The following EPS15 variants were observed in gnomAD, a reference collection of about 807,000 sequenced individuals.
The protein encoded by EPS15 is epidermal growth factor receptor substrate 15.
Under a neutral mutation model 113.8 loss-of-function variants are expected in EPS15, and 72 were observed. The observed-to-expected ratio is 0.63, with a 90% CI of 0.52 to 0.77. The LOEUF (loss-of-function observed/expected upper bound fraction) is 0.77. Among genes scored for constraint, EPS15 ranks in the 30% least tolerant of loss-of-function variants. EPS15 has a pLI of 0.00. For missense variants in EPS15, 1,048 were observed against 1,045.8 expected, an observed-to-expected ratio of 1.00 and a Z score of -0.03; for synonymous variants, 344 against 363.4, an observed-to-expected ratio of 0.95 and a Z score of 0.61.
At chr1:51,378,133 G>A (rs1646847465) in intron 21 of EPS15, among the ~76,000 whole-genome samples, 1 of 151,952 alleles carries the variant, frequency 6.6e-6, no homozygotes, top group Admixed American at 6.6e-5. Context: ...CTGACCTCAG[G>A]TGATTCACCC....
Position 51,361,347 on chromosome 1 carries a change from A to C in EPS15, c.2368T>G (p.Ser790Ala), listed in dbSNP as rs1458257652. ...RPCPLPPGKR[S>A]INKLDSPDPF... ...TCAGGAGAATCCAATTTGTTGATGG[A>C]TCTTTTCCCTGGATCAAAATCATTA... Residue 790 changes from serine to alanine, a missense_variant, in exon 24 of 25, where the codon TCC becomes GCC. By Grantham distance (99) the Ser-to-Ala change is moderately conservative. Coordinates refer to ENST00000371733, the MANE Select transcript of EPS15 (RefSeq NM_001981.3). 5.0e-6 allele frequency: 8 copies of C among 1,609,640 alleles called. No homozygotes were observed. The South Asian group carries it at 8.9e-5, about 18-fold the overall frequency.
intron 1 of EPS15, among the ~76,000 whole-genome samples, chr1:51,503,990 T>C (rs889011788): frequency 6.6e-6 from 1 of 152,130 alleles, no homozygotes; most frequent in Non-Finnish European, 1.5e-5. Context: ...GCTAAAACTA[T>C]AAAACTCTTA....
At chr1:51,376,865 C>T (rs12409548) in intron 21 of EPS15, among the ~76,000 whole-genome samples, 8,585 of 152,218 alleles carry the variant, frequency 0.056, 339 homozygotes, top group Non-Finnish European at 0.086. Flanking sequence ...AAGAAATACA[C>T]TTTATAAGGC....
chr1:51,512,370 A>G (rs2148567407), intron 1 of EPS15, among the ~76,000 whole-genome samples: 1 of 152,376 alleles, frequency 6.6e-6, no homozygotes, highest in East Asian at 1.9e-4. Context: ...TTGCAGTTAT[A>G]TTAGTCTGCC....
At chr1:51,495,965 A>G (rs1028547937) in intron 1 of EPS15, among the ~76,000 whole-genome samples, 1 of 152,248 alleles carries the variant, frequency 6.6e-6, no homozygotes, top group Non-Finnish European at 1.5e-5. Context: ...TCAGTAATCA[A>G]ATGTTGCTTT....
intron 1 of EPS15, among the ~76,000 whole-genome samples, chr1:51,506,963 T>C (rs1278997890): frequency 6.6e-6 from 1 of 152,198 alleles, no homozygotes; most frequent in African/African-American, 2.4e-5. Context: ...CTATGCTAAG[T>C]GAACTCTGAC....
At chr1:51,393,268 G>A (rs1020887504) in intron 21 of EPS15, among the ~76,000 whole-genome samples, 16 of 152,146 alleles carry the variant, frequency 1.1e-4, no homozygotes, top group South Asian at 8.3e-4. Context: ...CCAGGCTGGC[G>A]TGCAATGGCA....
At chr1:51,497,540 A>C (rs533288687) in intron 1 of EPS15, among the ~76,000 whole-genome samples, 1 of 152,346 alleles carries the variant, frequency 6.6e-6, no homozygotes, top group African/African-American at 2.4e-5. Flanking sequence ...AATACTCATT[A>C]ATCAGCCAAG....
intron 2 of EPS15, among the ~76,000 whole-genome samples, chr1:51,479,331 G>A (rs1227197758): frequency 1.3e-5 from 2 of 152,166 alleles, no homozygotes; most frequent in Non-Finnish European, 2.9e-5. Context: ...TCTCTACGCT[G>A]TTTATTCTAA....
chr1:51,487,637 G>C (rs753154509), intron 1 of EPS15, among the ~76,000 whole-genome samples: 1 of 151,914 alleles, frequency 6.6e-6, no homozygotes, highest in East Asian at 1.9e-4. Flanking sequence ...TTTGAATACA[G>C]GGAAAAAAAA....
chr1:51,438,165 T>C (rs10888721), intron 12 of EPS15, among the ~76,000 whole-genome samples: 45,476 of 151,958 alleles, frequency 0.3, 9,135 homozygotes, highest in African/African-American at 0.57. Flanking sequence ...GTAGATCTCA[T>C]CTAAAATAAA....
intron 2 of EPS15, among the ~76,000 whole-genome samples, chr1:51,481,019 G>A (rs1304420852): frequency 6.6e-6 from 1 of 152,110 alleles, no homozygotes; most frequent in Non-Finnish European, 1.5e-5. Flanking sequence ...ATTTATATCT[G>A]GATAAATCTA....
At position 51,481,254 on chromosome 1, in the gene EPS15, A is replaced by G; in HGVS notation, c.75+19T>C. 7.7e-7 allele frequency: 1 copy of G among 1,293,970 alleles called. No homozygotes were observed. Among genetic ancestry groups the G allele is most frequent in the Middle Eastern group, 1.8e-4 (1 of 5,410 alleles). 80.2% of individuals were successfully genotyped at this position (1,293,970 alleles called of 1,614,324 possible). A position where few individuals can be genotyped will look rare whatever the true frequency, so the allele number is the denominator to read the frequency against. On this transcript the variant is annotated intron_variant, in intron 2 of 24. Transcript: ENST00000371733. ...CATTTAATGTTCAATCCAGGCAAAC[A>G]ATGAAACAAAAATCTTACCTGTCTA...
At position 51,405,509 on chromosome 1, in the gene EPS15, C is replaced by T. The variant is rs571908204; in HGVS notation, c.1677+396G>A. ...GTCAGGAGTTCGAAACCAGCCTGGC[C>T]AACATGATGAAACCCCATCTCTACT... is the stretch of plus-strand genomic sequence containing the variant. On this transcript the variant is annotated intron_variant, in intron 16 of 24. Coordinates refer to ENST00000371733, the MANE Select transcript of EPS15 (RefSeq NM_001981.3). Among the ~76,000 whole-genome samples, 3 of 152,124 alleles carry T rather than the reference C, an allele frequency of 2.0e-5. No homozygotes were observed. In the East Asian group the frequency reaches 5.8e-4, roughly 29 times the overall value.
intron 10 of EPS15, 29 bp from the exon 11 acceptor site, chr1:51,445,074 G>A (rs865836750): frequency 1.3e-6 from 2 of 1,587,058 alleles, no homozygotes; most frequent in Admixed American, 1.8e-5. Flanking sequence ...TGAATGGTAT[G>A]TAAGTGCCAC....
Position 51,356,756 on chromosome 1 carries a change from G to T in EPS15, c.2635C>A (p.Gln879Lys), listed in dbSNP as rs1465980449. 6.2e-7 allele frequency: 1 copy of T among 1,613,882 alleles called. No individual in the cohort carries two copies. The highest frequency in any genetic ancestry group is 1.7e-5 in the Admixed American group (1 of 60,020). ...QRLARLNQQE[Q>K]EDLELAIALS... The stretch of plus-strand genomic sequence containing the variant: ...GCAATAGCCAGTTCTAAGTCTTCTT[G>T]TTCCTGCTGATTTAGTCGGGCAAGC... The change falls in exon 25 of 25, where the codon CAA (glutamine) becomes AAA (lysine). Residue 879 changes from glutamine (Q) to lysine (K), a missense_variant. Physicochemically the swap from Gln to Lys is moderately conservative, Grantham distance 53. Transcript: ENST00000371733.
chr1:51,512,133 T>A lies in EPS15; in HGVS notation c.33+7066A>T, dbSNP rs116741190. 5.1e-3 allele frequency among the ~76,000 whole-genome samples: 773 copies of A among 152,184 alleles called. 8 individuals are homozygous for A. Among genetic ancestry groups the A allele is most frequent in the African/African-American group, 0.017 (718 of 41,510 alleles). On this transcript the variant is annotated intron_variant, in intron 1 of 24. Transcript: ENST00000371733. ...ACATTTATGTGATAGGAAAGCAGAG[T>A]ATATGAGGCAGGGTACAAGGCCAGC...
chr1:51,436,551 T>G (rs544266339), intron 12 of EPS15, among the ~76,000 whole-genome samples: 3 of 152,136 alleles, frequency 2.0e-5, no homozygotes, highest in Admixed American at 6.5e-5. Context: ...TAACAAAGAA[T>G]GATAAGTGTT....
Position 51,356,291 on chromosome 1 carries a change from G to T in EPS15, c.*409C>A, listed in dbSNP as rs1443344636. On this transcript the variant is annotated 3_prime_UTR_variant, in exon 25 of 25. Transcript: ENST00000371733. ...CCTCACTCAACCATTCCAATCAGGG[G>T]AGAATACTGCAAACTTTAAGAACCT... is the stretch of plus-strand genomic sequence containing the variant. The T allele has an allele frequency of 2.2e-5, 5 of 227,534 alleles. No individual in the cohort carries two copies. In the East Asian group the frequency reaches 3.2e-4, roughly 15 times the overall value. 14.1% of individuals were successfully genotyped at this position (227,534 alleles called of 1,614,324 possible). A position where few individuals can be genotyped will look rare whatever the true frequency, so the allele number is the denominator to read the frequency against.
Sources: gnomAD v4.1 joint callset for allele counts (sites outside exome capture counted in the v4.1 genomes callset) on GRCh38, gnomAD v4.1.1 for gene constraint, MANE v1.5 for transcripts, NCBI Gene and HGNC (gene_info 2026-07-23, HGNC 2026-07-21) for gene names.